Variants in DENND1A observed in about 807,000 individuals in gnomAD.
The protein encoded by DENND1A is DENN domain containing 1A.
A neutral mutation model predicts 113.7 loss-of-function variants in DENND1A; 51 were observed. The observed-to-expected ratio is 0.45, with a 90% CI of 0.36 to 0.57. The LOEUF is 0.57. Among genes scored for constraint, DENND1A ranks in the 20% least tolerant of loss-of-function variants. DENND1A has a pLI of 0.00. For missense variants in DENND1A, 1,258 were observed against 1,395.9 expected (o/e 0.90, Z 1.57); for synonymous variants, 565 against 570.8 (o/e 0.99, Z 0.14).
At chr9:123,398,016 G>A (rs1010090466) in intron 21 of DENND1A, among the ~76,000 whole-genome samples, 1 of 152,186 alleles carries the variant, frequency 6.6e-6, no homozygotes, top group African/African-American at 2.4e-5. Context: ...GAAAGCACTT[G>A]GCTCTGCATG....
intron 2 of DENND1A, among the ~76,000 whole-genome samples, chr9:123,806,738 G>A (rs12349160): frequency 0.11 from 17,133 of 152,038 alleles, 1,063 homozygotes; most frequent in Admixed American, 0.13. Flanking sequence ...AAGGATCTTC[G>A]CTTATTTTGT....
At chr9:123,922,655 C>T (rs2134178277) in intron 1 of DENND1A, among the ~76,000 whole-genome samples, 1 of 152,288 alleles carries the variant, frequency 6.6e-6, no homozygotes, top group South Asian at 2.1e-4. Context: ...AACTTCCTCT[C>T]CTGTAATCTT....
intron 13 of DENND1A, among the ~76,000 whole-genome samples, chr9:123,543,208 T>C (rs2056416067): frequency 1.3e-5 from 2 of 152,208 alleles, no homozygotes; most frequent in Admixed American, 1.3e-4. Context: ...CAAGAAAAAT[T>C]AACCATCAGC....
intron 9 of DENND1A, among the ~76,000 whole-genome samples, chr9:123,651,359 TAGC>T (rs1367284362): frequency 6.6e-6 from 1 of 152,246 alleles, no homozygotes; most frequent in African/African-American, 2.4e-5. Flanking sequence ...TCTACTTTCT[TAGC>T]AGAATTAAAA....
rs1168546766 is a variant in DENND1A, at chr9:123,711,505, G to GTATATATATATA, written c.303-34717_303-34716insTATATATATATA. ...TTAAAAAATATATATATATATATAT[G>GTATATATATATA]TATATATGTATATATATATATATAT... On this transcript the variant is annotated intron_variant, in intron 5 of 23. Transcript: ENST00000394215. Among the ~76,000 whole-genome samples the GTATATATATATA allele has an allele frequency of 3.5e-3, 219 of 62,366 alleles. 2 individuals are homozygous for GTATATATATATA. Among genetic ancestry groups the GTATATATATATA allele is most frequent in the African/African-American group, 0.019 (204 of 10,944 alleles). The allele number at this position is 62,366 out of a possible 152,430, so 40.9% of individuals were successfully genotyped here.
intron 2 of DENND1A, among the ~76,000 whole-genome samples, chr9:123,847,882 C>T (rs562477387): frequency 1.2e-3 from 184 of 152,088 alleles, no homozygotes; most frequent in African/African-American, 4.0e-3. Context: ...TGCAGTGAGC[C>T]GAGATAGCCC....
At chr9:123,542,144 T>C (rs1429704997) in intron 13 of DENND1A, among the ~76,000 whole-genome samples, 1 of 152,120 alleles carries the variant, frequency 6.6e-6, no homozygotes, top group Admixed American at 6.5e-5. Context: ...TCAACATATG[T>C]GAATTTTTGA....
chr9:123,497,724 T>C (rs1202536461), intron 13 of DENND1A, among the ~76,000 whole-genome samples: 3 of 150,652 alleles, frequency 2.0e-5, no homozygotes, highest in Non-Finnish European at 4.4e-5. Context: ...AAAACTACGT[T>C]AGCACTATCC....
At chr9:123,686,149 G>A (rs553903855) in intron 5 of DENND1A, among the ~76,000 whole-genome samples, 1 of 152,184 alleles carries the variant, frequency 6.6e-6, no homozygotes, top group Admixed American at 6.5e-5. Flanking sequence ...ATGCAGTAAG[G>A]GGGGAAACTA....
chr9:123,599,173 A>G (rs2059833462), intron 11 of DENND1A, among the ~76,000 whole-genome samples: 1 of 152,232 alleles, frequency 6.6e-6, no homozygotes, highest in African/African-American at 2.4e-5. Context: ...TGAATCCAAT[A>G]GCCAAAGAAA....
At chr9:123,919,734 T>C (rs1047262982) in intron 1 of DENND1A, among the ~76,000 whole-genome samples, 4 of 150,966 alleles carry the variant, frequency 2.6e-5, no homozygotes, top group Admixed American at 6.6e-5. Flanking sequence ...ATACAAAAAT[T>C]AGCCAGGCAT....
At chr9:123,786,697 T>C (rs1832233055) in intron 3 of DENND1A, among the ~76,000 whole-genome samples, 1 of 152,228 alleles carries the variant, frequency 6.6e-6, no homozygotes, top group Non-Finnish European at 1.5e-5. Flanking sequence ...TAACCATAAG[T>C]TGCTCTTTTT....
In DENND1A at chr9:123,612,145, T is replaced by C. The variant is rs1160589816; in HGVS notation, c.720-2664A>G. Reference sequence around the variant, plus strand: ...ACCTTTTACATTGTCATCATTTACGTATCAAGCCTCAGATACTTCCCTGAA... The same window carrying C: ...ACCTTTTACATTGTCATCATTTACGCATCAAGCCTCAGATACTTCCCTGAA... On this transcript the variant is annotated intron_variant, in intron 10 of 23. Coordinates refer to ENST00000394215, the MANE Select transcript of DENND1A (RefSeq NM_001352964.2). Among the ~76,000 whole-genome samples the C allele has an allele frequency of 2.0e-5, 3 of 152,354 alleles. No homozygotes were observed. In the East Asian group the frequency reaches 5.8e-4, roughly 29 times the overall value.
intron 5 of DENND1A, among the ~76,000 whole-genome samples, chr9:123,709,585 C>T (rs139212747): frequency 1.9e-3 from 296 of 152,282 alleles, no homozygotes; most frequent in African/African-American, 7.0e-3. Flanking sequence ...TCTTGCCTTC[C>T]TCCTGCATCC....
chr9:123,613,261 T>C (rs2060497251), intron 10 of DENND1A, among the ~76,000 whole-genome samples: 1 of 152,148 alleles, frequency 6.6e-6, no homozygotes, highest in African/African-American at 2.4e-5. Flanking sequence ...TCTGATCACT[T>C]GGACACATTT....
chr9:123,419,023 C>T (rs999231033), intron 19 of DENND1A, among the ~76,000 whole-genome samples: 15 of 152,266 alleles, frequency 9.9e-5, no homozygotes, highest in African/African-American at 3.6e-4. Context: ...ATCTGCACTT[C>T]ACTGCTGGGA....
At chr9:123,413,015 T>A (rs1383747595) in intron 19 of DENND1A, among the ~76,000 whole-genome samples, 1 of 152,114 alleles carries the variant, frequency 6.6e-6, no homozygotes, top group Non-Finnish European at 1.5e-5. Context: ...GAAACCCCCA[T>A]CTATACAAAA....
chr9:123,610,046 G>A (rs749113581), intron 10 of DENND1A, among the ~76,000 whole-genome samples: 3 of 152,186 alleles, frequency 2.0e-5, no homozygotes, highest in Admixed American at 2.0e-4. Context: ...CTCCTCCCCA[G>A]TTGCACACAT....
At chr9:123,604,733 G>C (rs1401612378) in intron 11 of DENND1A, among the ~76,000 whole-genome samples, 1 of 152,218 alleles carries the variant, frequency 6.6e-6, no homozygotes. Flanking sequence ...CTGCATTGCA[G>C]ACCAGGAGAA....
Sources: allele counts gnomAD v4.1 joint callset (sites outside exome capture counted in the v4.1 genomes callset), GRCh38; gene constraint gnomAD v4.1.1; transcripts MANE v1.5; gene names NCBI Gene and HGNC (gene_info 2026-07-23, HGNC 2026-07-21).